SLC44A3: variants seen among roughly 807,000 people sequenced by gnomAD.
The protein encoded by SLC44A3 is choline transporter-like protein 3.
SLC44A3 carries 74 observed loss-of-function variants against 75.4 expected under a neutral mutation model. The observed-to-expected ratio is 0.98, with a 90% CI of 0.81 to 1.19. The LOEUF (loss-of-function observed/expected upper bound fraction) is 1.19, where lower values mean the gene tolerates loss of function less well. Among genes scored for constraint, SLC44A3 ranks in the 50% most tolerant of loss-of-function variants. The probability of loss-of-function intolerance (pLI) is 0.00; values close to 1 mark genes in which losing one functional copy is unlikely to be tolerated. For synonymous variants in SLC44A3, 310 were observed against 296.9 expected, an observed-to-expected ratio of 1.04 and a Z score of -0.45; for missense variants, 700 against 778.6, an observed-to-expected ratio of 0.90 and a Z score of 1.20.
intron 12 of SLC44A3, among the ~76,000 whole-genome samples, chr1:94,882,582 T>A (rs1215958293): frequency 6.6e-6 from 1 of 152,064 alleles, no homozygotes; most frequent in East Asian, 1.9e-4. Context: ...GGGAAAGAGC[T>A]TGGGGGATGA....
chr1:94,839,879 G>A (rs895651669), intron 6 of SLC44A3, 69 bp from the exon 7 acceptor site: 19 of 1,094,246 alleles, frequency 1.7e-5, no homozygotes, highest in East Asian at 4.7e-5. Flanking sequence ...TTTTGTCATC[G>A]CAGTACTACC....
chr1:94,833,559 T>C (rs1662408958), intron 5 of SLC44A3, among the ~76,000 whole-genome samples: 1 of 152,112 alleles, frequency 6.6e-6, no homozygotes, highest in Non-Finnish European at 1.5e-5. Flanking sequence ...TCTGCACCCT[T>C]TGCCCTGACA....
At chr1:94,820,590 ATCCCGC>A in intron 1 of SLC44A3, 112 bp downstream of exon 1, 1 of 1,422,496 alleles carries the variant, frequency 7.0e-7, no homozygotes. Flanking sequence ...CGCCTCGGGG[ATCCCGC>A]CCCCGCTTAG....
intron 5 of SLC44A3, among the ~76,000 whole-genome samples, chr1:94,837,460 T>G (rs1452754285): frequency 6.6e-6 from 1 of 152,192 alleles, no homozygotes; most frequent in Non-Finnish European, 1.5e-5. Flanking sequence ...TTTAAAAATG[T>G]TGCTCCCCAA....
chr1:94,868,331 A>G (rs1667393002), intron 12 of SLC44A3, among the ~76,000 whole-genome samples: 1 of 152,204 alleles, frequency 6.6e-6, no homozygotes, highest in African/African-American at 2.4e-5. Context: ...TTAGAAGTAA[A>G]GGGACTAATT....
At chr1:94,828,004 G>A (rs757353727) in intron 4 of SLC44A3, among the ~76,000 whole-genome samples, 5 of 152,148 alleles carry the variant, frequency 3.3e-5, no homozygotes, top group Non-Finnish European at 7.3e-5. Flanking sequence ...AGAGATGTAC[G>A]TGCAGGCTGC....
chr1:94,875,640 A>G (rs1042606626), intron 12 of SLC44A3, among the ~76,000 whole-genome samples: 2 of 93,362 alleles, frequency 2.1e-5, no homozygotes, highest in African/African-American at 7.6e-5. Context: ...GGAGGAGGCC[A>G]TGCTCATGGA....
intron 5 of SLC44A3, among the ~76,000 whole-genome samples, chr1:94,835,584 A>G (rs976231295): frequency 1.3e-5 from 2 of 152,200 alleles, no homozygotes; most frequent in African/African-American, 4.8e-5. Flanking sequence ...ACTTTTAAAA[A>G]TGCTCTGCTT....
chr1:94,840,151 T>A, intron 7 of SLC44A3, 114 bp downstream of exon 7: 1 of 843,360 alleles, frequency 1.2e-6, no homozygotes, highest in Non-Finnish European at 1.9e-6. Context: ...AAAGAGTATC[T>A]AGCCCTGTCA....
intron 14 of SLC44A3, among the ~76,000 whole-genome samples, chr1:94,894,288 G>GAACT (rs995111603): frequency 9.2e-5 from 14 of 152,230 alleles, no homozygotes; most frequent in African/African-American, 3.4e-4. Context: ...GAAGCCTCAA[G>GAACT]AACTCTCTGA....
At chr1:94,820,583 C>T in intron 1 of SLC44A3, 105 bp downstream of exon 1, 2 of 1,429,452 alleles carry the variant, frequency 1.4e-6, no homozygotes. Context: ...TTTCCCGCGC[C>T]TCGGGGATCC....
chr1:94,845,455 G>A lies in SLC44A3; in HGVS notation c.1063G>A (p.Gly355Arg). The A allele has an allele frequency of 1.2e-6, 2 of 1,610,350 alleles. No homozygotes were observed. The highest frequency in any genetic ancestry group is 1.7e-5 in the Admixed American group (1 of 59,790). ...VLWVAVLLSL[G>R]TAGAAQVMEG... ...CTGGGTGGCTGTGCTGCTGAGCCTGGGAACTGCAGGTAAGGGACAGTGGGT... is the reference window on the plus strand; with the variant it reads ...CTGGGTGGCTGTGCTGCTGAGCCTGAGAACTGCAGGTAAGGGACAGTGGGT... Residue 355 changes from glycine (G) to arginine (R), a missense_variant, in exon 9 of 15, where the codon GGA (glycine) becomes AGA (arginine). Transcript: ENST00000271227.
In SLC44A3 at chr1:94,830,358, G is replaced by A. The variant is rs1188325970; in HGVS notation, c.509+1772G>A. ...CTCCCAAGTAGCTGGGACCACAGGC[G>A]CATGCCACCATACCCAGCTAATGTT... is the stretch of plus-strand genomic sequence containing the variant. On this transcript the variant is annotated intron_variant, in intron 5 of 14. Transcript: ENST00000271227. Among the ~76,000 whole-genome samples the A allele has an allele frequency of 2.7e-4, 41 of 152,168 alleles. 1 individual carries two copies. Among genetic ancestry groups the A allele is most frequent in the Admixed American group, 2.2e-3 (34 of 15,280 alleles).
chr1:94,847,126 G>T (rs1250779144), intron 9 of SLC44A3, among the ~76,000 whole-genome samples: 1 of 152,234 alleles, frequency 6.6e-6, no homozygotes, highest in African/African-American at 2.4e-5. Flanking sequence ...TCAGAATGAG[G>T]TTTGTCTGGA....
chr1:94,827,002 C>T (rs1395504142), intron 3 of SLC44A3, among the ~76,000 whole-genome samples: 2 of 152,172 alleles, frequency 1.3e-5, no homozygotes, highest in Non-Finnish European at 2.9e-5. Context: ...GGAGGGTTCT[C>T]CTGAGTGTCC....
At chr1:94,887,754 C>T (rs1669747340) in intron 12 of SLC44A3, among the ~76,000 whole-genome samples, 2 of 151,986 alleles carry the variant, frequency 1.3e-5, no homozygotes, top group Non-Finnish European at 2.9e-5. Flanking sequence ...CTGGAGGCAG[C>T]CTGAATGAAG....
At chr1:94,885,828 C>A (rs2101643349) in intron 12 of SLC44A3, among the ~76,000 whole-genome samples, 1 of 152,202 alleles carries the variant, frequency 6.6e-6, no homozygotes, top group African/African-American at 2.4e-5. Flanking sequence ...AAGATTAATG[C>A]CATTATTATT....
In SLC44A3 at chr1:94,895,229, A is replaced by T; in HGVS notation, c.*307A>T. The T allele has an allele frequency of 4.7e-6, 1 of 211,586 alleles. No individual in the cohort carries two copies. The highest frequency in any genetic ancestry group is 9.5e-6 in the Non-Finnish European group (1 of 105,678). The allele number at this position is 211,586 out of a possible 1,614,324, so 13.1% of individuals were successfully genotyped here. A position where few individuals can be genotyped will look rare whatever the true frequency, so the allele number is the denominator to read the frequency against. On this transcript the variant is annotated 3_prime_UTR_variant, in exon 15 of 15. Coordinates refer to ENST00000271227, the MANE Select transcript of SLC44A3 (RefSeq NM_001114106.3). The stretch of plus-strand genomic sequence containing the variant: ...TTGTAAGTGCACAACTAATAAATAA[A>T]CCTTTTTAAGATAAGGATTTTGTTA...
chr1:94,845,612 A>T (rs1238478215), intron 9 of SLC44A3, 148 bp downstream of exon 9: 7 of 670,000 alleles, frequency 1.0e-5, no homozygotes, highest in Non-Finnish European at 1.6e-5. Flanking sequence ...GGGCTCTGTC[A>T]TGGGGAAAAG....
Sources: allele counts gnomAD v4.1 joint callset (sites outside exome capture counted in the v4.1 genomes callset), GRCh38; gene constraint gnomAD v4.1.1; transcripts MANE v1.5; gene names NCBI Gene and HGNC (gene_info 2026-07-23, HGNC 2026-07-21).